The following TUNAR variants were observed in gnomAD, a reference collection of about 807,000 sequenced individuals.
TUNAR encodes the protein protein TUNAR.
chr14:95,900,100 C>CT (rs200725030), intron 2 of TUNAR, among the ~76,000 whole-genome samples: 2 of 152,144 alleles, frequency 1.3e-5, no homozygotes, highest in African/African-American at 4.8e-5. Flanking sequence ...TTCTTTATTC[C>CT]TTTTTTTCCC....
At chr14:95,904,541 G>A (rs1889401873) in intron 2 of TUNAR, among the ~76,000 whole-genome samples, 1 of 152,222 alleles carries the variant, frequency 6.6e-6, no homozygotes, top group Non-Finnish European at 1.5e-5. Context: ...GCCCAGGCCA[G>A]GGTCACCAAG....
chr14:95,916,444 C>T (rs1455755331), intron 2 of TUNAR, among the ~76,000 whole-genome samples: 6 of 152,210 alleles, frequency 3.9e-5, no homozygotes, highest in African/African-American at 1.4e-4. Context: ...CATGCGATGG[C>T]ACGTTCCAGC....
intron 2 of TUNAR, among the ~76,000 whole-genome samples, chr14:95,880,610 G>A (rs773877341): frequency 2.6e-5 from 4 of 152,342 alleles, no homozygotes; most frequent in Non-Finnish European, 4.4e-5. Flanking sequence ...TCAATCTCAG[G>A]CTGTTCCTGG....
At chr14:95,919,020 C>A (rs143999200) in intron 2 of TUNAR, among the ~76,000 whole-genome samples, 1 of 152,094 alleles carries the variant, frequency 6.6e-6, no homozygotes, top group African/African-American at 2.4e-5. Flanking sequence ...CTTTCTAAGA[C>A]GACGGATGAT....
chr14:95,920,658 G>C lies in TUNAR; in HGVS notation c.13-2123G>C, dbSNP rs562450468. On this transcript the variant is annotated intron_variant, in intron 2 of 2. Transcript: ENST00000678517. Reference sequence around the variant, plus strand: ...TGTTCATTCACATGTCCTGTCCTCCGGATCCAGAGCCGCTCTGTAAGGTGC... The same window carrying C: ...TGTTCATTCACATGTCCTGTCCTCCCGATCCAGAGCCGCTCTGTAAGGTGC... 9.9e-5 allele frequency among the ~76,000 whole-genome samples: 15 copies of C among 152,198 alleles called. No individual in the cohort carries two copies. In the East Asian group the frequency reaches 2.9e-3, roughly 29 times the overall value.
chr14:95,917,854 T>C (rs1889631409), intron 2 of TUNAR, among the ~76,000 whole-genome samples: 1 of 152,266 alleles, frequency 6.6e-6, no homozygotes, highest in African/African-American at 2.4e-5. Context: ...GTTTCATGGC[T>C]TTAGTATATT....
At chr14:95,908,764 G>A (rs2139666747) in intron 2 of TUNAR, among the ~76,000 whole-genome samples, 1 of 152,328 alleles carries the variant, frequency 6.6e-6, no homozygotes, top group East Asian at 1.9e-4. Flanking sequence ...AGCCCATCAT[G>A]AATCCATTAC....
intron 2 of TUNAR, among the ~76,000 whole-genome samples, chr14:95,910,612 C>T (rs1336795665): frequency 6.6e-6 from 1 of 152,246 alleles, no homozygotes; most frequent in Non-Finnish European, 1.5e-5. Context: ...AAATGCTTTA[C>T]AGATATTTTA....
intron 2 of TUNAR, among the ~76,000 whole-genome samples, chr14:95,910,341 G>A (rs532495136): frequency 1.3e-5 from 2 of 152,288 alleles, no homozygotes; most frequent in African/African-American, 4.8e-5. Context: ...GTGAGACCTC[G>A]TCTGTAAAAA....
At chr14:95,880,839 A>G (rs2139650525) in intron 2 of TUNAR, among the ~76,000 whole-genome samples, 1 of 152,238 alleles carries the variant, frequency 6.6e-6, no homozygotes, top group South Asian at 2.1e-4. Flanking sequence ...TCAGATAGAG[A>G]GGGCATGAGA....
intron 2 of TUNAR, among the ~76,000 whole-genome samples, chr14:95,905,633 C>G (rs1324608381): frequency 6.6e-6 from 1 of 152,232 alleles, no homozygotes; most frequent in African/African-American, 2.4e-5. Flanking sequence ...ACTGTAAAGT[C>G]ACTGTCTTTT....
At chr14:95,920,423 A>G (rs1282600550) in intron 2 of TUNAR, among the ~76,000 whole-genome samples, 3 of 152,134 alleles carry the variant, frequency 2.0e-5, no homozygotes, top group Non-Finnish European at 2.9e-5. Flanking sequence ...ACGAGGGGAG[A>G]AAAAGCAGGA....
intron 2 of TUNAR, among the ~76,000 whole-genome samples, chr14:95,877,548 C>A (rs563625242): frequency 1.2e-4 from 18 of 152,258 alleles, no homozygotes; most frequent in African/African-American, 4.1e-4. Flanking sequence ...GGAAATAGGT[C>A]CCCGTTTCTC....
intron 2 of TUNAR, among the ~76,000 whole-genome samples, chr14:95,896,615 C>G (rs1889273746): frequency 6.6e-6 from 1 of 152,216 alleles, no homozygotes; most frequent in South Asian, 2.1e-4. Context: ...AGCAGAAAGC[C>G]TCTGCTCTGT....
intron 2 of TUNAR, among the ~76,000 whole-genome samples, chr14:95,879,394 A>G (rs1375704190): frequency 6.6e-6 from 1 of 152,206 alleles, no homozygotes; most frequent in Non-Finnish European, 1.5e-5. Context: ...AGGGATATTA[A>G]TCTCCCAGCA....
At chr14:95,898,441 C>G (rs1245591606) in intron 2 of TUNAR, among the ~76,000 whole-genome samples, 1 of 152,196 alleles carries the variant, frequency 6.6e-6, no homozygotes, top group African/African-American at 2.4e-5. Context: ...CTGGGAGATT[C>G]TAATGGAACT....
In TUNAR at chr14:95,909,637, T is replaced by C. The variant is rs61006203; in HGVS notation, c.13-13144T>C. On this transcript the variant is annotated intron_variant, in intron 2 of 2. Transcript: ENST00000678517. ...TAGGTGGGCTGGGCTAGGCTGTCCC[T>C]ACCCCCCATCTCAGCTGCCTCTCAG... Among the ~76,000 whole-genome samples the C allele has an allele frequency of 4.3e-3, 650 of 152,272 alleles. 1 individual carries two copies. Among genetic ancestry groups the C allele is most frequent in the African/African-American group, 0.015 (620 of 41,562 alleles).
chr14:95,881,549 G>C (rs765555520), intron 2 of TUNAR, among the ~76,000 whole-genome samples: 1 of 152,176 alleles, frequency 6.6e-6, no homozygotes, highest in Non-Finnish European at 1.5e-5. Flanking sequence ...GACTAGAGAA[G>C]GTATTCAGAG....
intron 2 of TUNAR, among the ~76,000 whole-genome samples, chr14:95,911,789 T>C (rs1889519151): frequency 6.6e-6 from 1 of 152,216 alleles, no homozygotes; most frequent in African/African-American, 2.4e-5. Flanking sequence ...GTCTGGTACC[T>C]TTTAGCACAT....
Sources: gnomAD v4.1 joint callset for allele counts (sites outside exome capture counted in the v4.1 genomes callset) on GRCh38, gnomAD v4.1.1 for gene constraint, MANE v1.5 for transcripts, NCBI Gene and HGNC (gene_info 2026-07-23, HGNC 2026-07-21) for gene names.